The following PLCB1 variants were observed in gnomAD, a reference collection of about 807,000 sequenced individuals.
The protein encoded by PLCB1 is phospholipase C beta 1, also known as 1-phosphatidylinositol 4,5-bisphosphate phosphodiesterase beta-1.
Under a neutral mutation model 161.8 loss-of-function variants are expected in PLCB1, and 46 were observed. The observed-to-expected ratio is 0.28, with a 90% CI of 0.22 to 0.36. PLCB1 has a LOEUF of 0.36. Ranked by LOEUF, PLCB1 falls within the 10% of genes least tolerant of loss-of-function variation. PLCB1 has a pLI of 1.00. For synonymous variants in PLCB1, 517 were observed against 503.7 expected, an observed-to-expected ratio of 1.03 and a Z score of -0.35; for missense variants, 1,016 against 1,472.5, an observed-to-expected ratio of 0.69 and a Z score of 5.07.
At chr20:8,541,896 G>A (rs377437590) in intron 3 of PLCB1, among the ~76,000 whole-genome samples, 3 of 152,094 alleles carry the variant, frequency 2.0e-5, no homozygotes, top group East Asian at 1.9e-4. Context: ...AGTACAATTT[G>A]GATCAGATAA....
intron 9 of PLCB1, among the ~76,000 whole-genome samples, chr20:8,675,532 C>T (rs569371469): frequency 6.6e-6 from 1 of 152,286 alleles, no homozygotes; most frequent in Non-Finnish European, 1.5e-5. Flanking sequence ...CCATCTGATT[C>T]ACCATTACCT....
intron 3 of PLCB1, among the ~76,000 whole-genome samples, chr20:8,373,047 C>T (rs1311381297): frequency 6.6e-6 from 1 of 152,096 alleles, no homozygotes; most frequent in Non-Finnish European, 1.5e-5. Context: ...TGATAAATGT[C>T]TACTGAACAG....
intron 3 of PLCB1, among the ~76,000 whole-genome samples, chr20:8,580,879 G>C (rs2123077410): frequency 6.6e-6 from 1 of 152,320 alleles, no homozygotes; most frequent in Middle Eastern, 3.4e-3. Context: ...CGGGCAAAGG[G>C]AACTGTATGT....
At chr20:8,617,641 C>T (rs1371848716) in intron 3 of PLCB1, among the ~76,000 whole-genome samples, 6 of 151,918 alleles carry the variant, frequency 3.9e-5, no homozygotes, top group East Asian at 3.9e-4. Context: ...GAACATTTAC[C>T]GGCATACCAC....
At chr20:8,543,630 A>AAAAAAAAC (rs1555769387) in intron 3 of PLCB1, among the ~76,000 whole-genome samples, 1 of 151,318 alleles carries the variant, frequency 6.6e-6, no homozygotes, top group African/African-American at 2.4e-5. Context: ...CAAAAAAAAA[A>AAAAAAAAC]AAAAACCTGT....
intron 9 of PLCB1, among the ~76,000 whole-genome samples, chr20:8,668,354 AGC>A (rs1989865454): frequency 6.6e-6 from 1 of 152,214 alleles, no homozygotes; most frequent in Non-Finnish European, 1.5e-5. Flanking sequence ...CAGCTGTGAC[AGC>A]AAAGATTATC....
chr20:8,622,084 T>C (rs538322700), intron 3 of PLCB1, among the ~76,000 whole-genome samples: 2 of 142,436 alleles, frequency 1.4e-5, no homozygotes, highest in African/African-American at 2.6e-5. Context: ...GGTGAAACCG[T>C]CTCTACTCAA....
intron 2 of PLCB1, among the ~76,000 whole-genome samples, chr20:8,227,326 A>G (rs1485003653): frequency 1.3e-5 from 2 of 152,190 alleles, no homozygotes; most frequent in Non-Finnish European, 2.9e-5. Context: ...CTACATTAGC[A>G]TTTCATTAAC....
intron 4 of PLCB1, among the ~76,000 whole-genome samples, chr20:8,642,719 A>G (rs1988996337): frequency 6.6e-6 from 1 of 152,228 alleles, no homozygotes; most frequent in Non-Finnish European, 1.5e-5. Flanking sequence ...TAAATAGTGA[A>G]ACACAGAGAA....
intron 2 of PLCB1, among the ~76,000 whole-genome samples, chr20:8,264,924 C>T (rs1981879204): frequency 6.6e-6 from 1 of 152,112 alleles, no homozygotes. Flanking sequence ...TGTAATCTGC[C>T]AACATGTATG....
intron 4 of PLCB1, among the ~76,000 whole-genome samples, chr20:8,632,277 A>G (rs879498431): frequency 1.3e-5 from 2 of 151,984 alleles, no homozygotes; most frequent in Non-Finnish European, 2.9e-5. Context: ...TCTTCTGCCA[A>G]ATGGATATGA....
At chr20:8,617,837 G>A (rs986354286) in intron 3 of PLCB1, among the ~76,000 whole-genome samples, 1 of 151,940 alleles carries the variant, frequency 6.6e-6, no homozygotes, top group Admixed American at 6.6e-5. Flanking sequence ...AGAAAAAAAG[G>A]TTATATATAT....
intron 14 of PLCB1, among the ~76,000 whole-genome samples, chr20:8,719,189 C>G (rs982985625): frequency 4.6e-5 from 7 of 152,276 alleles, no homozygotes; most frequent in African/African-American, 1.7e-4. Context: ...TTAAGCTTGA[C>G]TGTAGGAAGT....
At chr20:8,469,537 A>G (rs1270609544) in intron 3 of PLCB1, among the ~76,000 whole-genome samples, 2 of 152,078 alleles carry the variant, frequency 1.3e-5, no homozygotes, top group Non-Finnish European at 2.9e-5. Context: ...GGTTTTTGTC[A>G]GTGTAACCCT....
chr20:8,658,416 G>T, intron 8 of PLCB1, 122 bp from the exon 9 acceptor site: 1 of 693,656 alleles, frequency 1.4e-6, no homozygotes, highest in East Asian at 2.8e-5. Context: ...GGGCAAGATA[G>T]GAGTTTCAAT....
chr20:8,279,372 G>GTCAA (rs1458796961), intron 2 of PLCB1, among the ~76,000 whole-genome samples: 2 of 152,200 alleles, frequency 1.3e-5, no homozygotes, highest in African/African-American at 4.8e-5. Flanking sequence ...AAGTAAGCCA[G>GTCAA]TCACAACGGA....
intron 3 of PLCB1, among the ~76,000 whole-genome samples, chr20:8,474,703 C>A (rs1357303270): frequency 6.6e-6 from 1 of 152,108 alleles, no homozygotes; most frequent in Non-Finnish European, 1.5e-5. Context: ...TGCATTTAGG[C>A]TGGGGACTAA....
intron 29 of PLCB1, 35 bp from the exon 30 acceptor site, chr20:8,789,483 A>T (rs2327090): frequency 7.2e-7 from 1 of 1,388,560 alleles, no homozygotes; most frequent in Non-Finnish European, 1.0e-6. Flanking sequence ...TTCTGGATGA[A>T]TTGGTATAAT....
intron 11 of PLCB1, among the ~76,000 whole-genome samples, chr20:8,706,070 C>T (rs1416354126): frequency 6.6e-6 from 1 of 152,212 alleles, no homozygotes; most frequent in East Asian, 1.9e-4. Flanking sequence ...TGATTTACAA[C>T]CACAACGGTT....
Sources: gnomAD v4.1 joint callset for allele counts (sites outside exome capture counted in the v4.1 genomes callset) on GRCh38, gnomAD v4.1.1 for gene constraint, MANE v1.5 for transcripts, NCBI Gene and HGNC (gene_info 2026-07-23, HGNC 2026-07-21) for gene names.